The following RBFOX1 variants were observed in gnomAD, a reference collection of about 807,000 sequenced individuals.
The protein encoded by RBFOX1 is RNA binding protein fox-1 homolog 1.
Under a neutral mutation model 57.7 loss-of-function variants are expected in RBFOX1, and 8 were observed. The observed-to-expected ratio is 0.14, with a 90% confidence interval of 0.08 to 0.25. RBFOX1 has a LOEUF of 0.25. RBFOX1 is among the 10% of genes least tolerant of loss of function. The probability of loss-of-function intolerance (pLI) is 1.00; values close to 1 mark genes in which losing one functional copy is unlikely to be tolerated. For synonymous variants in RBFOX1, 326 were observed against 222.4 expected, an observed-to-expected ratio of 1.47 and a Z score of -4.15; for missense variants, 611 against 548.5, an observed-to-expected ratio of 1.11 and a Z score of -1.14.
chr16:5,518,412 T>A (rs2043875458), intron 2 of RBFOX1, among the ~76,000 whole-genome samples: 1 of 152,170 alleles, frequency 6.6e-6, no homozygotes, highest in South Asian at 2.1e-4. Context: ...CCCCTCTGCT[T>A]TTTCCCATCA....
intron 5 of RBFOX1, among the ~76,000 whole-genome samples, chr16:7,550,589 C>G (rs953228606): frequency 6.6e-6 from 1 of 152,092 alleles, no homozygotes; most frequent in Non-Finnish European, 1.5e-5. Context: ...TATTAACAAA[C>G]AGTGCTCAAA....
chr16:6,571,691 T>C (rs1001471232), intron 2 of RBFOX1, among the ~76,000 whole-genome samples: 1 of 152,070 alleles, frequency 6.6e-6, no homozygotes. Context: ...ATCCATTGAA[T>C]AGAGCAAAAG....
At chr16:7,143,369 T>C (rs192034425) in intron 4 of RBFOX1, among the ~76,000 whole-genome samples, 1 of 152,094 alleles carries the variant, frequency 6.6e-6, no homozygotes, top group Non-Finnish European at 1.5e-5. Flanking sequence ...AGTGGGAACA[T>C]TAAACGACCC....
intron 3 of RBFOX1, among the ~76,000 whole-genome samples, chr16:6,963,962 T>G (rs902413238): frequency 1.3e-5 from 2 of 152,080 alleles, no homozygotes; most frequent in African/African-American, 4.8e-5. Flanking sequence ...CCTCCCAAAG[T>G]GCTGGGATTA....
intron 1 of RBFOX1, among the ~76,000 whole-genome samples, chr16:6,301,143 G>T (rs1331924934): frequency 1.3e-5 from 2 of 151,784 alleles, no homozygotes; most frequent in Non-Finnish European, 2.9e-5. Context: ...TTTTTTCTTT[G>T]CTTCTTTAAA....
intron 2 of RBFOX1, among the ~76,000 whole-genome samples, chr16:5,585,742 C>A (rs570219955): frequency 1.3e-5 from 2 of 152,250 alleles, no homozygotes; most frequent in Non-Finnish European, 2.9e-5. Context: ...CTGGGTTTAC[C>A]ATCTAACTGT....
At chr16:5,447,455 C>G (rs2068283516) in intron 1 of RBFOX1, among the ~76,000 whole-genome samples, 1 of 151,326 alleles carries the variant, frequency 6.6e-6, no homozygotes, top group Non-Finnish European at 1.5e-5. Context: ...CAGTGGCATG[C>G]TTTCAGCTCA....
intron 3 of RBFOX1, among the ~76,000 whole-genome samples, chr16:5,684,089 A>G (rs941640978): frequency 6.6e-6 from 1 of 152,110 alleles, no homozygotes; most frequent in Non-Finnish European, 1.5e-5. Flanking sequence ...AGGTTTTCTC[A>G]CATAAAGTAA....
chr16:5,302,947 G>C (rs2063840547), intron 1 of RBFOX1, among the ~76,000 whole-genome samples: 2 of 152,174 alleles, frequency 1.3e-5, no homozygotes, highest in Non-Finnish European at 2.9e-5. Flanking sequence ...TATGGATATG[G>C]TCAGGTTTAA....
At chr16:5,661,441 A>G (rs968281524) in intron 3 of RBFOX1, among the ~76,000 whole-genome samples, 1 of 152,344 alleles carries the variant, frequency 6.6e-6, no homozygotes, top group South Asian at 2.1e-4. Flanking sequence ...TCCTCAGGAT[A>G]AGAACAAAAT....
intron 4 of RBFOX1, among the ~76,000 whole-genome samples, chr16:7,060,626 C>G (rs1007929937): frequency 6.6e-6 from 1 of 152,154 alleles, no homozygotes; most frequent in Admixed American, 6.5e-5. Flanking sequence ...CCTAATGACT[C>G]AGAACCCCAT....
intron 2 of RBFOX1, among the ~76,000 whole-genome samples, chr16:5,524,824 A>AGACACC: frequency 6.6e-6 from 1 of 152,232 alleles, no homozygotes; most frequent in Admixed American, 6.5e-5. Flanking sequence ...TACAGGCGTG[A>AGACACC]GACACCGCAC....
intron 1 of RBFOX1, among the ~76,000 whole-genome samples, chr16:5,253,939 C>T (rs1223814242): frequency 2.0e-5 from 3 of 152,132 alleles, no homozygotes; most frequent in Non-Finnish European, 2.9e-5. Context: ...TCAGTCACAG[C>T]AACCCCCTAT....
chr16:7,474,141 G>T (rs535102801), intron 4 of RBFOX1, among the ~76,000 whole-genome samples: 1 of 152,106 alleles, frequency 6.6e-6, no homozygotes, highest in African/African-American at 2.4e-5. Flanking sequence ...ACAAAAATTA[G>T]CCAGGCATGG....
chr16:5,296,521 G>C (rs1314100284), intron 1 of RBFOX1, among the ~76,000 whole-genome samples: 3 of 151,392 alleles, frequency 2.0e-5, no homozygotes, highest in African/African-American at 4.9e-5. Flanking sequence ...ACAAATCCTT[G>C]GTTCTCAGCA....
chr16:5,466,162 C>T (rs911784524), intron 1 of RBFOX1, among the ~76,000 whole-genome samples: 8 of 152,190 alleles, frequency 5.3e-5, no homozygotes, highest in Non-Finnish European at 7.3e-5. Flanking sequence ...CGCAAGCTTG[C>T]GTCAGAGAGA....
chr16:6,648,563 C>G (rs1239739544), intron 2 of RBFOX1, among the ~76,000 whole-genome samples: 3 of 152,146 alleles, frequency 2.0e-5, no homozygotes, highest in African/African-American at 7.2e-5. Flanking sequence ...GCCCTGTCCT[C>G]CCACCCTTCA....
intron 2 of RBFOX1, among the ~76,000 whole-genome samples, chr16:6,361,580 A>G (rs2088536013): frequency 1.3e-5 from 2 of 151,150 alleles, no homozygotes; most frequent in South Asian, 2.1e-4. Flanking sequence ...GTGAGCCAAG[A>G]TCGCGCCACT....
chr16:6,158,917 T>A (rs1465261238), intron 1 of RBFOX1, among the ~76,000 whole-genome samples: 1 of 151,924 alleles, frequency 6.6e-6, no homozygotes, highest in African/African-American at 2.4e-5. Flanking sequence ...TTTGTTTTTT[T>A]TTTTTGAGAC....
Sources: allele counts gnomAD v4.1 joint callset (sites outside exome capture counted in the v4.1 genomes callset), GRCh38; gene constraint gnomAD v4.1.1; transcripts MANE v1.5; gene names NCBI Gene and HGNC (gene_info 2026-07-23, HGNC 2026-07-21).